The following CDKL1 variants were observed in gnomAD, a reference collection of about 807,000 sequenced individuals.
CDKL1 encodes cyclin dependent kinase like 1, also known as cyclin-dependent kinase-like 1.
A neutral mutation model predicts 42.0 loss-of-function variants in CDKL1; 41 were observed. The ratio of observed to expected loss-of-function variants is 0.98; its 90% CI spans 0.76 to 1.27. CDKL1 has a LOEUF of 1.27. Ranked by LOEUF, CDKL1 falls within the 50% of genes most tolerant of loss-of-function variation. CDKL1 has a pLI of 0.00. For missense variants in CDKL1, 394 were observed against 428.4 expected, an observed-to-expected ratio of 0.92 and a Z score of 0.71; for synonymous variants, 153 against 158.6, an observed-to-expected ratio of 0.96 and a Z score of 0.26.
chr14:50,344,248 T>C (rs1372244731), intron 4 of CDKL1, among the ~76,000 whole-genome samples: 1 of 152,108 alleles, frequency 6.6e-6, no homozygotes, highest in Non-Finnish European at 1.5e-5. Context: ...CACTCATATC[T>C]CACCAAAGCA....
At chr14:50,348,119 G>C (rs2033786822) in intron 3 of CDKL1, among the ~76,000 whole-genome samples, 1 of 152,170 alleles carries the variant, frequency 6.6e-6, no homozygotes, top group Non-Finnish European at 1.5e-5. Context: ...AATCCAGAAA[G>C]CAACTGAATG....
At chr14:50,387,973 C>T (rs542130093) in intron 2 of CDKL1, among the ~76,000 whole-genome samples, 18 of 152,232 alleles carry the variant, frequency 1.2e-4, no homozygotes, top group African/African-American at 3.1e-4. Flanking sequence ...CTCGACTCAC[C>T]GCCACCTCCA....
At chr14:50,342,000 T>C (rs1213841747) in intron 5 of CDKL1, 132 bp downstream of exon 5, 3 of 693,568 alleles carry the variant, frequency 4.3e-6, no homozygotes, top group Admixed American at 2.7e-5. Flanking sequence ...ATTACAAAAT[T>C]ATAATTTATA....
Position 50,326,735 on chromosome 14 carries a change from T to G in CDKL1, c.*3339A>C. On this transcript the variant is annotated 3_prime_UTR_variant, in exon 10 of 10. Transcript: ENST00000395834. ...AAACTAGTGGGCTATGCTTAGGTTT[T>G]TCTTGAAACCTAACATTGCTTTAGG... 1 of 985,432 alleles carries G rather than the reference T, an allele frequency of 1.0e-6. No homozygotes were observed. The highest frequency in any genetic ancestry group is 1.2e-6 in the Non-Finnish European group (1 of 829,928). 61.0% of individuals were successfully genotyped at this position (985,432 alleles called of 1,614,324 possible).
At chr14:50,340,756 T>A (rs2033485565) in intron 6 of CDKL1, among the ~76,000 whole-genome samples, 1 of 152,250 alleles carries the variant, frequency 6.6e-6, no homozygotes, top group African/African-American at 2.4e-5. Flanking sequence ...TTTTTATTGT[T>A]GTTATTGTCA....
intron 2 of CDKL1, among the ~76,000 whole-genome samples, chr14:50,392,282 C>T (rs1268299076): frequency 6.6e-6 from 1 of 152,112 alleles, no homozygotes; most frequent in East Asian, 1.9e-4. Context: ...CCTCTCTCTA[C>T]TAAAAATACA....
intron 3 of CDKL1, among the ~76,000 whole-genome samples, chr14:50,358,702 C>A (rs2034141290): frequency 1.6e-5 from 2 of 122,442 alleles, no homozygotes; most frequent in Non-Finnish European, 3.2e-5. Context: ...TGCAATGGTG[C>A]AATCTTGGCT....
At chr14:50,382,886 C>T (rs1413244989) in intron 2 of CDKL1, among the ~76,000 whole-genome samples, 1 of 152,130 alleles carries the variant, frequency 6.6e-6, no homozygotes, top group African/African-American at 2.4e-5. Context: ...AGCCACCATG[C>T]CCAGCCAATA....
At chr14:50,383,374 AC>A (rs1190258792) in intron 2 of CDKL1, among the ~76,000 whole-genome samples, 1 of 151,086 alleles carries the variant, frequency 6.6e-6, no homozygotes, top group African/African-American at 2.4e-5. Context: ...ATATGGTGAA[AC>A]CCTACCTCCA....
chr14:50,361,595 C>A (rs2034248092), intron 2 of CDKL1, among the ~76,000 whole-genome samples: 1 of 152,028 alleles, frequency 6.6e-6, no homozygotes, highest in Non-Finnish European at 1.5e-5. Flanking sequence ...GGCAGAAGGG[C>A]AAGAGAGCAC....
chr14:50,367,809 G>A (rs766468943), intron 2 of CDKL1, among the ~76,000 whole-genome samples: 3 of 152,122 alleles, frequency 2.0e-5, no homozygotes, highest in Non-Finnish European at 2.9e-5. Context: ...CAGTATCACC[G>A]TCCTTCAGTT....
At chr14:50,375,722 G>A (rs939319882) in intron 2 of CDKL1, among the ~76,000 whole-genome samples, 7 of 152,054 alleles carry the variant, frequency 4.6e-5, no homozygotes, top group African/African-American at 1.2e-4. Flanking sequence ...GCTTGAACCC[G>A]GGAGGCGGAG....
chr14:50,371,658 G>C (rs985200067), intron 2 of CDKL1, among the ~76,000 whole-genome samples: 1 of 152,236 alleles, frequency 6.6e-6, no homozygotes, highest in Admixed American at 6.5e-5. Context: ...AGCCATGGCT[G>C]TGTGCTCCCT....
At chr14:50,331,730 T>C in intron 9 of CDKL1, 1 of 371,936 alleles carries the variant, frequency 2.7e-6, no homozygotes, top group South Asian at 5.4e-5. Flanking sequence ...CCAATCAGGA[T>C]TCTTCACAGT....
intron 2 of CDKL1, chr14:50,390,308 C>T: frequency 7.3e-7 from 1 of 1,366,322 alleles, no homozygotes; most frequent in South Asian, 1.1e-5. Context: ...CCCAGGGATC[C>T]CACAGTGACA....
chr14:50,342,668 G>A (rs2033587250), intron 4 of CDKL1: 1 of 244,596 alleles, frequency 4.1e-6, no homozygotes, highest in Admixed American at 5.3e-5. Flanking sequence ...AATGTTGAAA[G>A]GTCCGGGTGA....
At chr14:50,388,302 C>T (rs1445880799) in intron 2 of CDKL1, among the ~76,000 whole-genome samples, 2 of 152,222 alleles carry the variant, frequency 1.3e-5, no homozygotes, top group Admixed American at 1.3e-4. Context: ...TTACATGGTA[C>T]TCTTAGCATT....
Position 50,359,081 on chromosome 14 carries a change from C to T in CDKL1, c.237G>A (p.Val79=), listed in dbSNP as rs919182838. 5.6e-6 allele frequency: 9 copies of T among 1,613,162 alleles called. No individual in the cohort carries two copies. The highest frequency in any genetic ancestry group is 7.6e-6 in the Non-Finnish European group (9 of 1,179,188). ...VFRRKRRLHL[V]FEYCDHTVLH... ...GAACTGTGTGGTCACAATATTCAAA[C>T]ACCAGGTGAAGCCTCCGTTTCCTCC... The change falls in exon 3 of 10, where the codon GTG becomes GTA. Residue 79 remains valine, a synonymous_variant. Coordinates refer to ENST00000395834, the MANE Select transcript of CDKL1 (RefSeq NM_004196.7).
In CDKL1 at chr14:50,345,022, C is replaced by G. The variant is rs993878951; in HGVS notation, c.327G>C (p.Gln109His). The change falls in exon 4 of 10, where the codon CAG (glutamine) becomes CAC (histidine). Residue 109 changes from glutamine (Q) to histidine (H), a missense_variant. Gln to His is a conservative substitution (Grantham distance 24). Coordinates refer to ENST00000395834, the MANE Select transcript of CDKL1 (RefSeq NM_004196.7). Reference sequence around the variant, plus strand: ...GGCAAAAATTTACAGCTTGCAGTGTCTGCCAAGTTATGCTCTTCACGAGAT... The same window carrying G: ...GGCAAAAATTTACAGCTTGCAGTGTGTGCCAAGTTATGCTCTTCACGAGAT... ...PEHLVKSITW[Q>H]TLQAVNFCHK... The G allele has an allele frequency of 1.2e-6, 2 of 1,613,934 alleles. No homozygotes were observed. Among genetic ancestry groups the G allele is most frequent in the African/African-American group, 2.7e-5 (2 of 74,914 alleles).
Sources: allele counts gnomAD v4.1 joint callset (sites outside exome capture counted in the v4.1 genomes callset), GRCh38; gene constraint gnomAD v4.1.1; transcripts MANE v1.5; gene names NCBI Gene and HGNC (gene_info 2026-07-23, HGNC 2026-07-21).